Variants in EXOC6 observed in about 807,000 individuals in gnomAD.
EXOC6 encodes the protein exocyst complex component 6.
Under a neutral mutation model 112.5 loss-of-function variants are expected in EXOC6, and 60 were observed. That is an observed-to-expected ratio of 0.53 (90% CI 0.43 to 0.66). The LOEUF is 0.66. Among genes scored for constraint, EXOC6 ranks in the 30% least tolerant of loss-of-function variants. The pLI, the probability that EXOC6 is intolerant of heterozygous loss-of-function variation, is 0.00. For synonymous variants in EXOC6, 295 were observed against 308.0 expected (o/e 0.96, Z 0.44); for missense variants, 855 against 957.1 (o/e 0.89, Z 1.41).
At chr10:92,955,367 T>C (rs1206505715) in intron 16 of EXOC6, among the ~76,000 whole-genome samples, 4 of 150,058 alleles carry the variant, frequency 2.7e-5, no homozygotes, top group East Asian at 3.9e-4. Flanking sequence ...ATTTAGACTC[T>C]TGGTGTGTGT....
intron 15 of EXOC6, 113 bp downstream of exon 15, chr10:92,952,495 A>G (rs1196903421): frequency 4.2e-6 from 3 of 718,578 alleles, no homozygotes; most frequent in Non-Finnish European, 7.3e-6. Flanking sequence ...TTCATGGGGT[A>G]CATGTTTGTT....
intron 20 of EXOC6, among the ~76,000 whole-genome samples, chr10:93,029,917 T>TC (rs1845196891): frequency 6.6e-6 from 1 of 151,734 alleles, no homozygotes; most frequent in South Asian, 2.1e-4. Flanking sequence ...TTTTCTTTTT[T>TC]TTTTTTTTGA....
At chr10:92,980,449 G>A (rs1179962500) in intron 18 of EXOC6, among the ~76,000 whole-genome samples, 1 of 118,718 alleles carries the variant, frequency 8.4e-6, no homozygotes, top group African/African-American at 3.8e-5. Flanking sequence ...CCTTGTTACA[G>A]TTTTAAAACT....
intron 19 of EXOC6, among the ~76,000 whole-genome samples, chr10:93,009,088 C>T (rs1486565513): frequency 6.6e-6 from 1 of 152,000 alleles, no homozygotes; most frequent in East Asian, 1.9e-4. Context: ...CATGATGGCA[C>T]CTGTAGTCCC....
chr10:92,887,692 A>ACCGTG (rs1849293994), intron 1 of EXOC6, among the ~76,000 whole-genome samples: 1 of 152,146 alleles, frequency 6.6e-6, no homozygotes, highest in Non-Finnish European at 1.5e-5. Context: ...GGAGTGAGCC[A>ACCGTG]CCGTGCCCAG....
At chr10:92,977,446 A>G (rs1319341406) in intron 18 of EXOC6, among the ~76,000 whole-genome samples, 1 of 152,102 alleles carries the variant, frequency 6.6e-6, no homozygotes, top group Non-Finnish European at 1.5e-5. Context: ...CCCAGGGATG[A>G]TACTGTATTC....
At chr10:92,888,062 T>C (rs1349949836) in intron 1 of EXOC6, among the ~76,000 whole-genome samples, 1 of 152,140 alleles carries the variant, frequency 6.6e-6, no homozygotes, top group African/African-American at 2.4e-5. Flanking sequence ...GACTTTGTAA[T>C]AGATCAAGAC....
chr10:92,931,528 C>A (rs143263940), intron 9 of EXOC6, among the ~76,000 whole-genome samples: 6 of 151,640 alleles, frequency 4.0e-5, no homozygotes, highest in African/African-American at 1.4e-4. Flanking sequence ...AACATCTTCT[C>A]ACATGTTTAT....
chr10:92,920,211 A>G (rs1851350890), intron 8 of EXOC6, among the ~76,000 whole-genome samples, 161 bp downstream of exon 8: 1 of 152,182 alleles, frequency 6.6e-6, no homozygotes, highest in Admixed American at 6.5e-5. Context: ...TTTACTTATC[A>G]TAGTGTAATT....
chr10:92,934,739 A>G (rs1479800562), intron 11 of EXOC6, among the ~76,000 whole-genome samples: 1 of 152,150 alleles, frequency 6.6e-6, no homozygotes, highest in Non-Finnish European at 1.5e-5. Flanking sequence ...GTTTTTAATT[A>G]TCATTTCAAT....
At chr10:92,898,603 A>G (rs1344254551) in intron 4 of EXOC6, among the ~76,000 whole-genome samples, 1 of 152,178 alleles carries the variant, frequency 6.6e-6, no homozygotes, top group Admixed American at 6.5e-5. Context: ...TTATTGCAGC[A>G]GGCTCTCTCC....
chr10:92,974,105 T>C lies in EXOC6; in HGVS notation c.1826T>C (p.Ile609Thr), dbSNP rs1357645301. ...ATATATACCAAACTGAATCAAAAAA[T>C]TGATGAATTTGTTCAGCTTGCTGAT... is the stretch of plus-strand genomic sequence containing the variant. Reference protein sequence around the residue: ...GEIYTKLNQKIDEFVQLADYD... With the variant: ...GEIYTKLNQKTDEFVQLADYD... The change falls in exon 18 of 22, where the codon ATT becomes ACT. Residue 609 changes from isoleucine (I) to threonine (T), a missense_variant. Ile to Thr is a moderately conservative substitution (Grantham distance 89). Transcript: ENST00000260762. 6.2e-7 allele frequency: 1 copy of C among 1,603,476 alleles called. No individual in the cohort carries two copies. The highest frequency in any genetic ancestry group is 1.8e-5 in the Admixed American group (1 of 56,598).
intron 1 of EXOC6, among the ~76,000 whole-genome samples, chr10:92,840,769 C>T: frequency 6.6e-6 from 1 of 151,988 alleles, no homozygotes; most frequent in Non-Finnish European, 1.5e-5. Flanking sequence ...GCAATCCACC[C>T]ATCTCAGCCT....
intron 16 of EXOC6, 122 bp from the exon 17 acceptor site, chr10:92,955,458 T>C: frequency 2.6e-6 from 2 of 761,796 alleles, no homozygotes; most frequent in Non-Finnish European, 4.4e-6. Context: ...AGTTGTATCC[T>C]ATAATGCTGC....
At chr10:92,991,342 A>AT (rs1010843877) in intron 18 of EXOC6, among the ~76,000 whole-genome samples, 2 of 151,666 alleles carry the variant, frequency 1.3e-5, no homozygotes, top group African/African-American at 4.8e-5. Flanking sequence ...AGGCTGAGGC[A>AT]TAAGAATCGC....
chr10:92,907,137 C>T (rs1028471504), intron 5 of EXOC6, among the ~76,000 whole-genome samples: 2 of 151,956 alleles, frequency 1.3e-5, no homozygotes, highest in African/African-American at 2.4e-5. Flanking sequence ...TATTTTACTA[C>T]TTTTTTAGGG....
chr10:92,952,410 T>G (rs1002246793), intron 15 of EXOC6, 28 bp downstream of exon 15: 3 of 1,321,110 alleles, frequency 2.3e-6, no homozygotes, highest in Admixed American at 1.8e-5. Flanking sequence ...AAATGCATTT[T>G]TGTCATAACT....
intron 20 of EXOC6, among the ~76,000 whole-genome samples, chr10:93,046,168 G>A (rs1845993514): frequency 6.6e-6 from 1 of 152,198 alleles, no homozygotes; most frequent in Non-Finnish European, 1.5e-5. Flanking sequence ...CGGGCTAAAT[G>A]TGAAGATACA....
At chr10:92,981,855 C>A (rs769809846) in intron 18 of EXOC6, among the ~76,000 whole-genome samples, 1 of 152,100 alleles carries the variant, frequency 6.6e-6, no homozygotes, top group Non-Finnish European at 1.5e-5. Flanking sequence ...CGGTGGCTCA[C>A]GCCTGTAATC....
Sources: allele counts gnomAD v4.1 joint callset (sites outside exome capture counted in the v4.1 genomes callset), GRCh38; gene constraint gnomAD v4.1.1; transcripts MANE v1.5; gene names NCBI Gene and HGNC (gene_info 2026-07-23, HGNC 2026-07-21).